The following DLG2 variants were observed in gnomAD, a reference collection of about 807,000 sequenced individuals.
DLG2 encodes discs large MAGUK scaffold protein 2.
DLG2 carries 45 observed loss-of-function variants against 132.5 expected under a neutral mutation model. That is an observed-to-expected ratio of 0.34 (90% CI 0.27 to 0.44). DLG2 has a LOEUF of 0.44. Ranked by LOEUF, DLG2 falls within the 20% of genes least tolerant of loss-of-function variation. The probability of loss-of-function intolerance (pLI) is 1.00; values close to 1 mark genes in which losing one functional copy is unlikely to be tolerated. For synonymous variants in DLG2, 424 were observed against 419.6 expected (o/e 1.01, Z -0.13); for missense variants, 1,045 against 1,196.9 (o/e 0.87, Z 1.87).
chr11:83,767,413 G>A (rs1266874719), intron 18 of DLG2, among the ~76,000 whole-genome samples: 3 of 152,094 alleles, frequency 2.0e-5, no homozygotes, highest in Admixed American at 2.0e-4. Flanking sequence ...TTTTCAACTG[G>A]GAGAAGGAAG....
At chr11:84,541,065 T>C (rs1460823078) in intron 6 of DLG2, among the ~76,000 whole-genome samples, 1 of 151,884 alleles carries the variant, frequency 6.6e-6, no homozygotes, top group East Asian at 1.9e-4. Flanking sequence ...AGGGGAGGGA[T>C]AGCATTAGGA....
intron 11 of DLG2, among the ~76,000 whole-genome samples, chr11:84,057,463 A>G (rs1165949078): frequency 1.3e-5 from 2 of 152,130 alleles, no homozygotes; most frequent in Non-Finnish European, 2.9e-5. Flanking sequence ...GCTCCTTGCA[A>G]TATGATTTTA....
At chr11:84,090,141 C>T (rs538527123) in intron 10 of DLG2, among the ~76,000 whole-genome samples, 12 of 152,192 alleles carry the variant, frequency 7.9e-5, no homozygotes, top group South Asian at 4.2e-4. Context: ...TGGCCAGGCG[C>T]GGTGGCTCAC....
intron 18 of DLG2, among the ~76,000 whole-genome samples, chr11:83,664,768 C>G (rs1432957361): frequency 6.6e-6 from 1 of 152,188 alleles, no homozygotes; most frequent in East Asian, 1.9e-4. Context: ...GAAAAGCTAA[C>G]TGATGTCTAT....
In DLG2 at chr11:84,325,408, G is replaced by A. The variant is rs913324149; in HGVS notation, c.520-74117C>T. 2.0e-5 allele frequency among the ~76,000 whole-genome samples: 3 copies of A among 149,984 alleles called. No individual in the cohort carries two copies. In the Admixed American group the frequency reaches 2.0e-4, roughly 10 times the overall value. On this transcript the variant is annotated intron_variant, in intron 7 of 27. Transcript: ENST00000376104. ...CCTGGTATGTGATGTTCCCCTTTCT[G>A]TGTCCATGTGTTCTCTTTGTTCAAC...
Position 84,029,354 on chromosome 11 carries a change from C to T in DLG2, c.919+29961G>A, listed in dbSNP as rs1265163926. The stretch of plus-strand genomic sequence containing the variant: ...GTTCAATTACCAGTTGAATGCTCAC[C>T]ATACAGAAGCAAAGGACACATCATC... On this transcript the variant is annotated intron_variant, in intron 11 of 27. Transcript: ENST00000376104. Among the ~76,000 whole-genome samples the T allele has an allele frequency of 4.6e-5, 7 of 151,864 alleles. No homozygotes were observed. In the South Asian group the frequency reaches 1.0e-3, roughly 23 times the overall value.
At chr11:85,322,231 T>A (rs1453164372) in intron 3 of DLG2, among the ~76,000 whole-genome samples, 1 of 152,068 alleles carries the variant, frequency 6.6e-6, no homozygotes, top group South Asian at 2.1e-4. Context: ...CCGCCACCCA[T>A]AAGCCCCTTT....
At chr11:84,011,913 T>A (rs1378821902) in intron 11 of DLG2, among the ~76,000 whole-genome samples, 7 of 152,124 alleles carry the variant, frequency 4.6e-5, no homozygotes, top group African/African-American at 1.4e-4. Context: ...AAATTACATG[T>A]GTTTCAATTC....
chr11:84,214,240 A>AATACATATATATACATATATATATGAAT (rs1555427233), intron 8 of DLG2, among the ~76,000 whole-genome samples: 2 of 129,368 alleles, frequency 1.5e-5, no homozygotes, highest in African/African-American at 8.4e-5. Context: ...CATATATATG[A>AATACATATATATACATATATATATGAAT]ATATATATAT....
intron 6 of DLG2, among the ~76,000 whole-genome samples, chr11:84,574,479 C>G (rs1172652649): frequency 6.6e-6 from 1 of 151,928 alleles, no homozygotes; most frequent in Non-Finnish European, 1.5e-5. Flanking sequence ...CTAAATTTCA[C>G]TATTTGGGAT....
At chr11:84,022,656 C>A (rs1057234288) in intron 11 of DLG2, among the ~76,000 whole-genome samples, 1 of 152,064 alleles carries the variant, frequency 6.6e-6, no homozygotes, top group Non-Finnish European at 1.5e-5. Flanking sequence ...TCTTTTAATA[C>A]TGAAAGAACG....
At chr11:83,672,568 T>C (rs931641378) in intron 18 of DLG2, among the ~76,000 whole-genome samples, 2 of 152,208 alleles carry the variant, frequency 1.3e-5, no homozygotes, top group African/African-American at 2.4e-5. Flanking sequence ...CTCTTCTCTA[T>C]ATATCTAGTA....
chr11:84,808,118 A>G (rs1385022994), intron 6 of DLG2, among the ~76,000 whole-genome samples: 1 of 152,150 alleles, frequency 6.6e-6, no homozygotes, highest in African/African-American at 2.4e-5. Flanking sequence ...AATAAATTTA[A>G]AATAACTTAA....
intron 6 of DLG2, among the ~76,000 whole-genome samples, chr11:84,777,279 G>GTATATA (rs1224645769): frequency 1.2e-5 from 1 of 85,136 alleles, no homozygotes; most frequent in Non-Finnish European, 2.3e-5. Flanking sequence ...ATATGTGTGT[G>GTATATA]TGTATATATA....
At chr11:85,352,977 A>G (rs1353222333) in intron 3 of DLG2, among the ~76,000 whole-genome samples, 1 of 152,184 alleles carries the variant, frequency 6.6e-6, no homozygotes, top group African/African-American at 2.4e-5. Context: ...AAAAGCCAAA[A>G]TTGACAAATG....
rs369249759 is a variant in DLG2 at position 83,851,012 on chromosome 11, TG to T, written c.1566-17243del. 1.9e-4 allele frequency among the ~76,000 whole-genome samples: 29 copies of T among 151,966 alleles called. No individual in the cohort carries two copies. The South Asian group carries it at 5.2e-3, about 27-fold the overall frequency. ...TAACACGGTGAAACCCCGTCTCTACTGAAAAATACAAAAAATTAGCCTGGCG... is the reference window on the plus strand; with the variant it reads ...TAACACGGTGAAACCCCGTCTCTACTAAAAATACAAAAAATTAGCCTGGCG... On this transcript the variant is annotated intron_variant, in intron 16 of 27. Coordinates refer to ENST00000376104, the MANE Select transcript of DLG2 (RefSeq NM_001142699.3).
At chr11:85,290,631 C>T (rs1047287340) in intron 3 of DLG2, among the ~76,000 whole-genome samples, 5 of 152,016 alleles carry the variant, frequency 3.3e-5, no homozygotes, top group Admixed American at 6.6e-5. Context: ...ACAATAAGTA[C>T]TTAGTATGGA....
At chr11:83,674,065 C>A (rs926612117) in intron 18 of DLG2, among the ~76,000 whole-genome samples, 1 of 151,982 alleles carries the variant, frequency 6.6e-6, no homozygotes, top group Admixed American at 6.6e-5. Flanking sequence ...TAATTGTAGC[C>A]GTAAGTTCTT....
chr11:83,480,417 C>T, intron 22 of DLG2: 1 of 1,534,724 alleles, frequency 6.5e-7, no homozygotes, highest in African/African-American at 1.4e-5. Flanking sequence ...ACATGTTCTG[C>T]AAGAACAGCA....
Sources: allele counts gnomAD v4.1 joint callset (sites outside exome capture counted in the v4.1 genomes callset), GRCh38; gene constraint gnomAD v4.1.1; transcripts MANE v1.5; gene names NCBI Gene and HGNC (gene_info 2026-07-23, HGNC 2026-07-21).